Variants in PCSK7 observed in about 807,000 individuals in gnomAD.
The protein encoded by PCSK7 is lymphoma proprotein convertase.
A neutral mutation model predicts 73.3 loss-of-function variants in PCSK7; 38 were observed. That is an observed-to-expected ratio of 0.52 (90% confidence interval 0.40 to 0.68). The LOEUF (loss-of-function observed/expected upper bound fraction) is 0.68. Among genes scored for constraint, PCSK7 ranks in the 30% least tolerant of loss-of-function variants. PCSK7 has a pLI of 0.00. For missense variants in PCSK7, 692 were observed against 991.5 expected (o/e 0.70, Z 4.06); for synonymous variants, 296 against 383.8 (o/e 0.77, Z 2.68).
At chr11:117,210,931 G>C (rs1398489407) in intron 12 of PCSK7, 3 of 151,648 alleles carry the variant, frequency 2.0e-5, no homozygotes, top group African/African-American at 7.3e-5. Context: ...GTGAGAGCCT[G>C]TCTCAAAAAA....
rs145811109 is a variant in PCSK7 at position 117,213,607 on chromosome 11, C to T, written c.1535-4554G>A. On this transcript the variant is annotated intron_variant, in intron 12 of 16. Transcript: ENST00000320934. ...ATTGATGTGGCAGAGAAGGGGCTTACAGGAGAGAAATGACGTTATGGAACA... is the reference window on the plus strand; with the variant it reads ...ATTGATGTGGCAGAGAAGGGGCTTATAGGAGAGAAATGACGTTATGGAACA... 2.6e-5 allele frequency: 4 copies of T among 152,174 alleles called. No homozygotes were observed. The East Asian group carries it at 5.8e-4, about 22-fold the overall frequency. 9.4% of individuals were successfully genotyped at this position (152,174 alleles called of 1,614,324 possible). A position where few individuals can be genotyped will look rare whatever the true frequency, so the allele number is the denominator to read the frequency against.
At chr11:117,225,891 G>A in intron 6 of PCSK7, 40 bp downstream of exon 6, 1 of 1,289,458 alleles carries the variant, frequency 7.8e-7, no homozygotes, top group Non-Finnish European at 1.1e-6. Context: ...TGTCCCAGGT[G>A]CTCCAGGCTC....
At chr11:117,219,516 GA>G in intron 10 of PCSK7, 74 bp downstream of exon 10, 2 of 1,378,550 alleles carry the variant, frequency 1.5e-6, no homozygotes, top group Non-Finnish European at 2.0e-6. Flanking sequence ...GGGACATTGA[GA>G]ATCTAAGGCC....
chr11:117,228,142 G>A (rs2032501205), intron 4 of PCSK7, 74 bp downstream of exon 4: 2 of 1,457,290 alleles, frequency 1.4e-6, no homozygotes, highest in Admixed American at 1.8e-5. Context: ...TCTAGAAAAG[G>A]GGACAAGACT....
At chr11:117,228,666 T>C (rs2032524140) in intron 3 of PCSK7, among the ~76,000 whole-genome samples, 1 of 146,214 alleles carries the variant, frequency 6.8e-6, no homozygotes, top group African/African-American at 2.6e-5. Flanking sequence ...CAGGCTGGAG[T>C]GTGGAGTGCA....
chr11:117,225,858 G>A (rs1160524242), intron 6 of PCSK7, 73 bp downstream of exon 6: 2 of 945,430 alleles, frequency 2.1e-6, no homozygotes, highest in Non-Finnish European at 3.5e-6. Flanking sequence ...TCAGCCCACT[G>A]GTTGGGATTT....
rs1394076598 is a variant in PCSK7 at position 117,229,383 on chromosome 11, C to G, written c.462G>C (p.Trp154Cys). Reference sequence around the variant, plus strand: ...ACTGCAGGACTGGACTCACCAGGTGCCATTGCTGCGGGTACTTGGGGTCGT... The same window carrying G: ...ACTGCAGGACTGGACTCACCAGGTGGCATTGCTGCGGGTACTTGGGGTCGT... ...HFNDPKYPQQ[W>C]HLNNRRSPGR... The change falls in exon 3 of 17, where the codon TGG becomes TGC. Residue 154 changes from tryptophan (W) to cysteine (C), a missense_variant. Coordinates refer to ENST00000320934, the MANE Select transcript of PCSK7 (RefSeq NM_004716.4). 3 of 1,603,992 alleles carry G rather than the reference C, an allele frequency of 1.9e-6. No individual in the cohort carries two copies. Among genetic ancestry groups the G allele is most frequent in the Non-Finnish European group, 2.5e-6 (3 of 1,179,034 alleles).
rs2239011 is a variant in PCSK7, at chr11:117,218,278, A to T, written c.1534+188T>A. The T allele has an allele frequency of 3.8e-6, 1 of 262,836 alleles. No individual in the cohort carries two copies. Among genetic ancestry groups the T allele is most frequent in the Admixed American group, 5.5e-5 (1 of 18,290 alleles). 16.3% of individuals were successfully genotyped at this position (262,836 alleles called of 1,614,324 possible). A position where few individuals can be genotyped will look rare whatever the true frequency, so the allele number is the denominator to read the frequency against. On this transcript the variant is annotated intron_variant, in intron 12 of 16. Transcript: ENST00000320934. This position sits in a 1 kb window ranked among gnomAD's most constrained non-coding sequence, Gnocchi z 4.0. The stretch of plus-strand genomic sequence containing the variant: ...GGAACCCAGGAGAAAGGTCTTGTTT[A>T]AGCAGCTGGGGGAGCCAACTCAGAA...
chr11:117,214,665 T>C (rs918431558), intron 12 of PCSK7: 19 of 152,388 alleles, frequency 1.2e-4, no homozygotes, highest in African/African-American at 4.6e-4. Context: ...GCAAGTCTTC[T>C]GTGGCAGAGG....
At position 117,218,323 on chromosome 11, in the gene PCSK7, T is replaced by C. The variant is rs1282188039; in HGVS notation, c.1534+143A>G. The C allele has an allele frequency of 6.4e-6, 3 of 471,324 alleles. No individual in the cohort carries two copies. The highest frequency in any genetic ancestry group is 1.2e-5 in the Non-Finnish European group (3 of 260,156). 29.2% of individuals were successfully genotyped at this position (471,324 alleles called of 1,614,324 possible). A position where few individuals can be genotyped will look rare whatever the true frequency, so the allele number is the denominator to read the frequency against. On this transcript the variant is annotated intron_variant, in intron 12 of 16. Transcript: ENST00000320934. This position sits in a 1 kb window ranked among gnomAD's most constrained non-coding sequence, Gnocchi z 4.0. ...TCAGAAGCAGTAACATGTCCTAAAA[T>C]GGTCAAAGAAAACTCCACAGGTTTG...
chr11:117,224,831 G>A, intron 6 of PCSK7, 76 bp from the exon 7 acceptor site: 2 of 1,086,360 alleles, frequency 1.8e-6, no homozygotes, highest in Non-Finnish European at 2.9e-6. Context: ...CCCAGTCTCA[G>A]CTGGCTGCCC....
chr11:117,208,351 CT>C (rs1207106434), intron 13 of PCSK7: 1 of 162,420 alleles, frequency 6.2e-6, no homozygotes, highest in Non-Finnish European at 1.0e-5. Context: ...TTTTCTTTTT[CT>C]TTCTTTTTTT....
At position 117,204,500 on chromosome 11, in the gene PCSK7, T is replaced by A; in HGVS notation, c.*1497A>T. The A allele has an allele frequency of 7.6e-7, 1 of 1,310,796 alleles. No homozygotes were observed. The highest frequency in any genetic ancestry group is 1.1e-6 in the Non-Finnish European group (1 of 931,180). The allele number at this position is 1,310,796 out of a possible 1,614,324, so 81.2% of individuals were successfully genotyped here. A position where few individuals can be genotyped will look rare whatever the true frequency, so the allele number is the denominator to read the frequency against. On this transcript the variant is annotated 3_prime_UTR_variant, in exon 17 of 17. Coordinates refer to ENST00000320934, the MANE Select transcript of PCSK7 (RefSeq NM_004716.4). ...GGCTCTGTCACTGAGCAATGGTAAC[T>A]GCACCTGGGCAGCTCCTCCCTGTGC...
chr11:117,228,307 A>G lies in PCSK7; in HGVS notation c.512T>C (p.Val171Ala). Residue 171 changes from valine (V) to alanine (A), a missense_variant, in exon 4 of 17, where the codon GTG becomes GCG. Around this residue, in one of 6 missense-constraint regions of PCSK7, gnomAD observed 574 missense variants for 689.8 expected, o/e 0.83. Coordinates refer to ENST00000320934, the MANE Select transcript of PCSK7 (RefSeq NM_004716.4). ...TCGCCCAGTCACATTGCGTTCCCAC[A>G]CACCCGTCACGTTGATGTCCCTGCC... ...SPGRDINVTG[V>A]WERNVTGRGV... The G allele has an allele frequency of 6.2e-7, 1 of 1,613,942 alleles. No individual in the cohort carries two copies. Among genetic ancestry groups the G allele is most frequent in the South Asian group, 1.1e-5 (1 of 91,062 alleles).
intron 12 of PCSK7, chr11:117,212,179 A>G (rs1052905037): frequency 2.0e-5 from 3 of 152,112 alleles, no homozygotes; most frequent in Non-Finnish European, 4.4e-5. Flanking sequence ...ACTCCCCAGA[A>G]GCAAACTTTT....
intron 12 of PCSK7, chr11:117,209,846 A>G (rs1293550009): frequency 2.1e-4 from 32 of 152,444 alleles, no homozygotes; most frequent in African/African-American, 7.5e-4. Flanking sequence ...CCTGTCTCAA[A>G]GAAAAAAAAA....
At chr11:117,211,982 A>G (rs2031747515) in intron 12 of PCSK7, 1 of 152,208 alleles carries the variant, frequency 6.6e-6, no homozygotes, top group African/African-American at 2.4e-5. Flanking sequence ...TATGTATCAG[A>G]TATTATTTCT....
intron 12 of PCSK7, chr11:117,213,976 T>TTTTTTTTTTTTTTTTTTTTTTTG (rs36106425): frequency 9.9e-5 from 13 of 131,358 alleles, no homozygotes; most frequent in African/African-American, 1.6e-4. Context: ...TTTTTTTTTT[T>TTTTTTTTTTTTTTTTTTTTTTTG]AGACGGAGTC....
chr11:117,217,646 A>G (rs2239012), intron 12 of PCSK7: 43,347 of 152,072 alleles, frequency 0.29, 7,152 homozygotes, highest in African/African-American at 0.45. Context: ...CATGGCTCTC[A>G]ATTGATCACT....
Sources: allele counts gnomAD v4.1 joint callset (sites outside exome capture counted in the v4.1 genomes callset), GRCh38; gene constraint gnomAD v4.1.1; regional missense constraint gnomAD v4.1.1; non-coding constraint Gnocchi (gnomAD v3.1); transcripts MANE v1.5; gene names NCBI Gene and HGNC (gene_info 2026-07-23, HGNC 2026-07-21).